The following CARD14 variants were observed in gnomAD, a reference collection of about 807,000 sequenced individuals.
The protein encoded by CARD14 is caspase recruitment domain-containing protein 14.
A neutral mutation model predicts 111.5 loss-of-function variants in CARD14; 107 were observed. That is an observed-to-expected ratio of 0.96 (90% CI 0.82 to 1.13). CARD14 has a LOEUF of 1.13. Among genes scored for constraint, CARD14 ranks in the 50% most tolerant of loss-of-function variants. CARD14 has a pLI of 0.00. For missense variants in CARD14, 1,322 were observed against 1,362.3 expected, an observed-to-expected ratio of 0.97 and a Z score of 0.47; for synonymous variants, 617 against 579.6, an observed-to-expected ratio of 1.06 and a Z score of -0.93.
intron 20 of CARD14, 49 bp from the exon 21 acceptor site, chr17:80,204,986 C>T: frequency 2.0e-6 from 3 of 1,470,756 alleles, no homozygotes; most frequent in Non-Finnish European, 2.7e-6. Flanking sequence ...GGTAGGCTGG[C>T]TGGGGGCTGC....
At chr17:80,193,302 C>T (rs1435329369) in intron 12 of CARD14, among the ~76,000 whole-genome samples, 30 of 147,434 alleles carry the variant, frequency 2.0e-4, no homozygotes, top group African/African-American at 7.4e-4. Context: ...CCAGGGGACC[C>T]AATTCGACCT....
In CARD14 at chr17:80,208,259, G is replaced by T; in HGVS notation, c.2929G>T (p.Asp977Tyr). The T allele has an allele frequency of 6.3e-7, 1 of 1,589,894 alleles. No homozygotes were observed. Among genetic ancestry groups the T allele is most frequent in the Non-Finnish European group, 8.5e-7 (1 of 1,169,764 alleles). ...YSSLAPDGWS[D>Y]LDGLLSCVRQ... ...CAGCCTGGCTCCTGACGGCTGGAGC[G>T]ACCTGGACGGCCTGCTCAGCTGTGT... Residue 977 changes from aspartate (D) to tyrosine (Y), a missense_variant, in exon 24 of 24, where the codon GAC becomes TAC. By Grantham distance (160) the Asp-to-Tyr change is radical. Transcript: ENST00000648509.
chr17:80,191,937 A>G lies in CARD14; in HGVS notation c.1239+465A>G, dbSNP rs551247591. On this transcript the variant is annotated intron_variant, in intron 11 of 23. Transcript: ENST00000648509. Reference sequence around the variant, plus strand: ...AGCCAGAATTCTTAGAAAGCCTCTCATTCTGGGCTGGCAGGCAGCTCCAGC... The same window carrying G: ...AGCCAGAATTCTTAGAAAGCCTCTCGTTCTGGGCTGGCAGGCAGCTCCAGC... 2.2e-3 allele frequency among the ~76,000 whole-genome samples: 333 copies of G among 152,350 alleles called. 2 individuals carry two copies. Among genetic ancestry groups the G allele is most frequent in the African/African-American group, 7.6e-3 (316 of 41,584 alleles).
In CARD14 at chr17:80,198,341, G is replaced by A; in HGVS notation, c.1659-58G>A. 1 of 1,560,124 alleles carries A rather than the reference G, an allele frequency of 6.4e-7. No homozygotes were observed. Among genetic ancestry groups the A allele is most frequent in the Admixed American group, 1.8e-5 (1 of 56,960 alleles). Reference sequence around the variant, plus strand: ...GCCAGAGGGAAGCAATGGGGAGGTGGCCTTGCCGGCTCTCCTGCTCTGGGC... The same window carrying A: ...GCCAGAGGGAAGCAATGGGGAGGTGACCTTGCCGGCTCTCCTGCTCTGGGC... On this transcript the variant is annotated intron_variant, in intron 15 of 23. Coordinates refer to ENST00000648509, the MANE Select transcript of CARD14 (RefSeq NM_001366385.1). The surrounding 1 kb of genome is among the most constrained non-coding windows in gnomAD (Gnocchi z 7.5).
chr17:80,201,706 C>G lies in CARD14; in HGVS notation c.1852-38C>G. The G allele has an allele frequency of 6.2e-7, 1 of 1,612,764 alleles. No homozygotes were observed. Among genetic ancestry groups the G allele is most frequent in the Non-Finnish European group, 8.5e-7 (1 of 1,179,330 alleles). ...CTGTCTTCTGGCTGGATTCAGAGTC[C>G]CGGGGGAAAGAGACTGACCTTCTCG... is the stretch of plus-strand genomic sequence containing the variant. On this transcript the variant is annotated intron_variant, in intron 16 of 23. Transcript: ENST00000648509. The surrounding 1 kb of genome is among the most constrained non-coding windows in gnomAD (Gnocchi z 5.0).
chr17:80,183,871 C>T, intron 6 of CARD14, 42 bp from the exon 7 acceptor site: 1 of 1,441,632 alleles, frequency 6.9e-7, no homozygotes, highest in Non-Finnish European at 9.1e-7. Context: ...CACCTATTAC[C>T]TCCCTACCTG....
Position 80,198,063 on chromosome 17 carries a change from G to A in CARD14, c.1595-36G>A. On this transcript the variant is annotated intron_variant, in intron 14 of 23. Transcript: ENST00000648509. This position sits in a 1 kb window ranked among gnomAD's most constrained non-coding sequence, Gnocchi z 7.5. ...TACAGGACGCCCCATCAGCAGTGGG[G>A]TGACCAAGATCTGTGAGCTCTTGGC... 1 of 1,611,488 alleles carries A rather than the reference G, an allele frequency of 6.2e-7. No individual in the cohort carries two copies. Among genetic ancestry groups the A allele is most frequent in the Non-Finnish European group, 8.5e-7 (1 of 1,178,456 alleles).
rs2040468998 is a variant in CARD14 at position 80,189,995 on chromosome 17, T to A, written c.963+123T>A. The A allele has an allele frequency of 1.5e-6, 2 of 1,336,784 alleles. No homozygotes were observed. Among genetic ancestry groups the A allele is most frequent in the Admixed American group, 3.3e-5 (1 of 30,008 alleles). 82.8% of individuals were successfully genotyped at this position (1,336,784 alleles called of 1,614,324 possible). Reference sequence around the variant, plus strand: ...AGCTCACATAATTTTGCTGAACGAATCTGTCGGCCTGTTCATCTGTCCCTT... The same window carrying A: ...AGCTCACATAATTTTGCTGAACGAAACTGTCGGCCTGTTCATCTGTCCCTT... On this transcript the variant is annotated intron_variant, in intron 9 of 23. Coordinates refer to ENST00000648509, the MANE Select transcript of CARD14 (RefSeq NM_001366385.1). This position sits in a 1 kb window ranked among gnomAD's most constrained non-coding sequence, Gnocchi z 4.7.
At chr17:80,184,463 T>C (rs2040277732) in intron 7 of CARD14, among the ~76,000 whole-genome samples, 1 of 152,118 alleles carries the variant, frequency 6.6e-6, no homozygotes, top group Admixed American at 6.5e-5. Context: ...GTGTGCCTTG[T>C]CCAGTAGCTG....
intron 1 of CARD14, among the ~76,000 whole-genome samples, chr17:80,171,920 C>T (rs545172430): frequency 5.2e-4 from 79 of 152,306 alleles, no homozygotes; most frequent in African/African-American, 1.6e-3. Flanking sequence ...CTCCCAGACC[C>T]GGTCGTTGCC....
Position 80,181,645 on chromosome 17 carries a change from G to T in CARD14, c.207G>T (p.Arg69=). ...CCCGGCTCACCAACAGCGCCATGCGGGCCGGTGAGCGCAGCTCCCTCTTCC... is the reference window on the plus strand; with the variant it reads ...CCCGGCTCACCAACAGCGCCATGCGTGCCGGTGAGCGCAGCTCCCTCTTCC... ...HSPRLTNSAM[R]AGHLLDLLKT... Residue 69 remains arginine (R), a synonymous_variant, in exon 5 of 24, where the codon CGG becomes CGT. Transcript: ENST00000648509. 6.5e-7 allele frequency: 1 copy of T among 1,546,382 alleles called. No homozygotes were observed. Among genetic ancestry groups the T allele is most frequent in the Non-Finnish European group, 8.7e-7 (1 of 1,146,412 alleles).
At chr17:80,173,323 C>A (rs540419666) in intron 2 of CARD14, 95 bp downstream of exon 2, 2,615 of 79,644 alleles carry the variant, frequency 0.033, 36 homozygotes, top group Middle Eastern at 0.053. Flanking sequence ...CACACACACA[C>A]ACGCGCGCGC....
At chr17:80,196,861 G>C (rs1163689507) in intron 14 of CARD14, 2 of 148,694 alleles carry the variant, frequency 1.3e-5, no homozygotes, top group East Asian at 3.9e-4. Context: ...ATGCAGGCCT[G>C]TGTGGAAATG....
In CARD14 at chr17:80,173,019, T is replaced by A. The variant is rs1263766380; in HGVS notation, c.-576T>A. 1 of 151,644 alleles carries A rather than the reference T, an allele frequency of 6.6e-6. No homozygotes were observed. The highest frequency in any genetic ancestry group is 1.5e-5 in the Non-Finnish European group (1 of 67,902). 9.4% of individuals were successfully genotyped at this position (151,644 alleles called of 1,614,324 possible). A position where few individuals can be genotyped will look rare whatever the true frequency, so the allele number is the denominator to read the frequency against. The stretch of plus-strand genomic sequence containing the variant: ...CCTCACCCTCCTGAGTAGCTGGGAC[T>A]ACAGGCGAGCACCACCACAGCCGGC... On this transcript the variant is annotated 5_prime_UTR_variant, in exon 2 of 24. Coordinates refer to ENST00000648509, the MANE Select transcript of CARD14 (RefSeq NM_001366385.1).
In CARD14 at chr17:80,207,417, G is replaced by A. The variant is rs375224152; in HGVS notation, c.2807+332G>A. On this transcript the variant is annotated intron_variant, in intron 23 of 23. Coordinates refer to ENST00000648509, the MANE Select transcript of CARD14 (RefSeq NM_001366385.1). ...AATACAAAAACTAGCCAGGTGTGGC[G>A]GCGGGCGCCTGTAATCCCAGCTACT... Among the ~76,000 whole-genome samples, 97 of 152,262 alleles carry A rather than the reference G, an allele frequency of 6.4e-4. 1 individual carries two copies. The East Asian group carries it at 0.017, about 26-fold the overall frequency.
rs199860038 is a variant in CARD14 at position 80,200,816 on chromosome 17, G to A, written c.1852-928G>A. 26 of 154,942 alleles carry A rather than the reference G, an allele frequency of 1.7e-4. No individual in the cohort carries two copies. In the East Asian group the frequency reaches 4.1e-3, roughly 25 times the overall value. The allele number at this position is 154,942 out of a possible 1,614,324, so 9.6% of individuals were successfully genotyped here. A position where few individuals can be genotyped will look rare whatever the true frequency, so the allele number is the denominator to read the frequency against. On this transcript the variant is annotated intron_variant, in intron 16 of 23. Coordinates refer to ENST00000648509, the MANE Select transcript of CARD14 (RefSeq NM_001366385.1). Reference sequence around the variant, plus strand: ...GTCCCATCTGGGGGTGATGGGAGACGGTAACAGATCATCAGGAATTAGATT... The same window carrying A: ...GTCCCATCTGGGGGTGATGGGAGACAGTAACAGATCATCAGGAATTAGATT...
chr17:80,198,616 T>A lies in CARD14; in HGVS notation c.1851+25T>A, dbSNP rs751975720. ...GGTGAGCCGTGCGAGGCCCCTCCTG[T>A]CCCCCGGGCTCCTCATGGGGACAGT... On this transcript the variant is annotated intron_variant, in intron 16 of 23. Coordinates refer to ENST00000648509, the MANE Select transcript of CARD14 (RefSeq NM_001366385.1). The surrounding 1 kb of genome is among the most constrained non-coding windows in gnomAD (Gnocchi z 7.5). The A allele has an allele frequency of 1.2e-6, 2 of 1,610,232 alleles. No homozygotes were observed. The highest frequency in any genetic ancestry group is 2.2e-5 in the South Asian group (2 of 90,966).
intron 7 of CARD14, among the ~76,000 whole-genome samples, chr17:80,186,413 A>G (rs2044103): frequency 0.72 from 109,488 of 152,142 alleles, 39,667 homozygotes; most frequent in Middle Eastern, 0.82. Context: ...CGTGTCCTAA[A>G]ACGGGTCCCT....
intron 12 of CARD14, among the ~76,000 whole-genome samples, chr17:80,194,439 C>T (rs1460761087): frequency 6.6e-6 from 1 of 152,232 alleles, no homozygotes; most frequent in East Asian, 1.9e-4. Flanking sequence ...CTCAGCGCCT[C>T]GCACGTCACA....
Sources: gnomAD v4.1 joint callset for allele counts (sites outside exome capture counted in the v4.1 genomes callset) on GRCh38, gnomAD v4.1.1 for gene constraint, Gnocchi (gnomAD v3.1) non-coding constraint, MANE v1.5 for transcripts, NCBI Gene and HGNC (gene_info 2026-07-23, HGNC 2026-07-21) for gene names.